GPR137: variants seen among roughly 807,000 people sequenced by gnomAD.
GPR137 encodes the protein G protein-coupled receptor 137.
In GPR137, 20 loss-of-function variants were observed where a neutral mutation model predicts 38.9. The ratio of observed to expected loss-of-function variants is 0.51; its 90% CI spans 0.36 to 0.75. GPR137 has a LOEUF of 0.75. GPR137 is among the 30% of genes least tolerant of loss of function. GPR137 has a pLI of 0.00. For missense variants in GPR137, 456 were observed against 526.4 expected, an observed-to-expected ratio of 0.87 and a Z score of 1.31; for synonymous variants, 226 against 235.8, an observed-to-expected ratio of 0.96 and a Z score of 0.38.
intron 2 of GPR137, chr11:64,276,709 G>T: frequency 1.8e-6 from 1 of 558,642 alleles, no homozygotes; most frequent in Non-Finnish European, 3.2e-6. Context: ...GGAAGGAGAG[G>T]GCTGGGGCAG....
At chr11:64,285,336 C>A (rs1008721400), upstream of GPR137, 17 of 985,128 alleles carry the variant, frequency 1.7e-5, no homozygotes, top group Non-Finnish European at 2.0e-5. Context: ...TGAGGGAGGA[C>A]CGTAGGGCCC....
chr11:64,271,724 C>T, upstream of GPR137: 1 of 1,450,666 alleles, frequency 6.9e-7, no homozygotes, highest in Non-Finnish European at 9.1e-7. Flanking sequence ...AGGGGCTGGG[C>T]TCCTCCCCCA....
Position 64,286,590 on chromosome 11 carries a change from G to C in GPR137, c.66G>C (p.Val22=). ...TGGTGCCTGCGCTGCCACCTGCTGT[G>C]ACCCTGGGGCTGACAGCTGCCTACA... is the stretch of plus-strand genomic sequence containing the variant. ...AGLVPALPPA[V]TLGLTAAYTT... is the part of the protein sequence containing the mutation. Residue 22 remains valine (V), a synonymous_variant, in exon 1 of 7, where the codon GTG becomes GTC. Transcript: ENST00000438980. The C allele has an allele frequency of 1.2e-6, 2 of 1,613,842 alleles. No homozygotes were observed. Among genetic ancestry groups the C allele is most frequent in the South Asian group, 2.2e-5 (2 of 91,078 alleles).
chr11:64,279,381 C>G (rs546521839), upstream of GPR137, among the ~76,000 whole-genome samples: 1 of 152,296 alleles, frequency 6.6e-6, no homozygotes, highest in African/African-American at 2.4e-5. Context: ...CTACCCCTAA[C>G]TGGACTGAGA....
intron 1 of GPR137, chr11:64,275,844 G>A (rs2033018167): frequency 6.6e-6 from 1 of 152,012 alleles, no homozygotes; most frequent in Non-Finnish European, 1.5e-5. Flanking sequence ...GGGCAGGTAT[G>A]GTGGATGGTC....
intron 2 of GPR137, chr11:64,277,083 A>G: frequency 1.4e-6 from 1 of 693,284 alleles, no homozygotes; most frequent in East Asian, 2.7e-5. Context: ...ACTTAATTAC[A>G]AGACACTTGC....
upstream of GPR137, chr11:64,285,787 G>C (rs1449981589): frequency 2.0e-6 from 2 of 985,222 alleles, no homozygotes; most frequent in Admixed American, 1.2e-4. Context: ...GGAGCCAGCC[G>C]GGCCGCTGCG....
At chr11:64,281,447 C>G (rs1440406174), upstream of GPR137, among the ~76,000 whole-genome samples, 1 of 152,228 alleles carries the variant, frequency 6.6e-6, no homozygotes, top group Non-Finnish European at 1.5e-5. Context: ...TGCCTCTGCT[C>G]AAATCCTTTC....
upstream of GPR137, chr11:64,284,580 C>G: frequency 1.3e-6 from 2 of 1,494,148 alleles, no homozygotes; most frequent in East Asian, 2.5e-5. Context: ...CCTCAGAACC[C>G]CGGTGGACCC....
chr11:64,280,541 C>T (rs1174701388), upstream of GPR137, among the ~76,000 whole-genome samples: 2 of 147,860 alleles, frequency 1.4e-5, no homozygotes, highest in South Asian at 2.2e-4. Context: ...TTAGTAGAGA[C>T]GGGGTTTCAC....
In GPR137 at chr11:64,288,422, C is replaced by A. The variant is rs2034388439; in HGVS notation, c.866C>A (p.Thr289Asn). The A allele has an allele frequency of 1.2e-6, 2 of 1,613,530 alleles. No individual in the cohort carries two copies. Among genetic ancestry groups the A allele is most frequent in the African/African-American group, 2.7e-5 (2 of 74,934 alleles). The stretch of plus-strand genomic sequence containing the variant: ...TTCGTGTGGGAGCTACTGCCCACCA[C>A]CCTGCTGGTGGGCTTCTTCCGGGTG... ...ILFVWELLPTTLLVGFFRVHR... is the reference protein window; with the variant it reads ...ILFVWELLPTNLLVGFFRVHR... Residue 289 changes from threonine (T) to asparagine (N), a missense_variant, in exon 5 of 7, where the codon ACC becomes AAC. Transcript: ENST00000438980. The surrounding 1 kb of genome is among the most constrained non-coding windows in gnomAD (Gnocchi z 5.5).
chr11:64,271,607 G>A (rs372920935), upstream of GPR137: 37 of 1,439,164 alleles, frequency 2.6e-5, no homozygotes, highest in Non-Finnish European at 3.0e-5. Flanking sequence ...GGGGACTGGC[G>A]CTCACCTTAA....
At chr11:64,287,448 G>A (rs918679996) in intron 2 of GPR137, 1 of 627,252 alleles carries the variant, frequency 1.6e-6, no homozygotes, top group African/African-American at 2.0e-5. Flanking sequence ...AGAAACTGAG[G>A]CCCAGCCAGG....
chr11:64,284,594 C>A, upstream of GPR137: 1 of 1,497,320 alleles, frequency 6.7e-7, no homozygotes, highest in Admixed American at 2.1e-5. Context: ...TGGACCCAGG[C>A]CCCGCCCCGC....
At chr11:64,285,744 T>C, upstream of GPR137, 5 of 985,252 alleles carry the variant, frequency 5.1e-6, no homozygotes, top group Non-Finnish European at 6.0e-6. Flanking sequence ...CCAATTCTCG[T>C]ACGGTTTCAC....
At chr11:64,276,524 A>C (rs1342369517) in intron 2 of GPR137, 1 of 162,648 alleles carries the variant, frequency 6.1e-6, no homozygotes, top group African/African-American at 2.4e-5. Context: ...ACGGGGTTTC[A>C]CCATGTTGGT....
intron 2 of GPR137, among the ~76,000 whole-genome samples, chr11:64,277,245 C>T (rs1438213076): frequency 1.3e-5 from 2 of 152,190 alleles, no homozygotes; most frequent in Non-Finnish European, 2.9e-5. Context: ...ACGTCAGTGG[C>T]CAGCACAGTG....
upstream of GPR137, chr11:64,284,910 G>A (rs1044528815): frequency 4.0e-5 from 57 of 1,426,142 alleles, no homozygotes; most frequent in Non-Finnish European, 5.1e-5. Context: ...GGGAGCAGGA[G>A]AGGGATTCTC....
intron 2 of GPR137, among the ~76,000 whole-genome samples, chr11:64,277,236 C>T (rs988005596): frequency 3.3e-5 from 5 of 152,192 alleles, no homozygotes; most frequent in South Asian, 2.1e-4. Flanking sequence ...GGGAGGCTGA[C>T]GTCAGTGGCC....
Sources: gnomAD v4.1 joint callset for allele counts (sites outside exome capture counted in the v4.1 genomes callset) on GRCh38, gnomAD v4.1.1 for gene constraint, Gnocchi (gnomAD v3.1) non-coding constraint, MANE v1.5 for transcripts, NCBI Gene and HGNC (gene_info 2026-07-23, HGNC 2026-07-21) for gene names.